The following SCAPER variants were observed in gnomAD, a reference collection of about 807,000 sequenced individuals.
The protein encoded by SCAPER is S-phase cyclin A associated protein in the ER.
A neutral mutation model predicts 182.2 loss-of-function variants in SCAPER; 98 were observed. That is an observed-to-expected ratio of 0.54 (90% CI 0.46 to 0.64). The LOEUF (loss-of-function observed/expected upper bound fraction) is 0.64. SCAPER is among the 30% of genes least tolerant of loss of function. SCAPER has a pLI of 0.00. For synonymous variants in SCAPER, 605 were observed against 564.6 expected (o/e 1.07, Z -1.01); for missense variants, 1,432 against 1,690.0 (o/e 0.85, Z 2.68).
chr15:76,367,181 A>C (rs895488637), intron 29 of SCAPER, among the ~76,000 whole-genome samples: 3 of 152,254 alleles, frequency 2.0e-5, no homozygotes, highest in Admixed American at 1.3e-4. Context: ...AGAGAAGGGC[A>C]GTGACTTACC....
chr15:76,488,043 C>T (rs1177074407), intron 24 of SCAPER, among the ~76,000 whole-genome samples: 2 of 152,134 alleles, frequency 1.3e-5, no homozygotes, highest in Admixed American at 6.6e-5. Context: ...ACTCTCCCAC[C>T]CCCAAGATAA....
At chr15:76,711,346 C>A (rs868731734) in intron 17 of SCAPER, among the ~76,000 whole-genome samples, 1 of 152,038 alleles carries the variant, frequency 6.6e-6, no homozygotes, top group African/African-American at 2.4e-5. Context: ...AACAAAATGA[C>A]CCAAATGAAA....
At chr15:76,751,267 C>A (rs1201842934) in intron 15 of SCAPER, among the ~76,000 whole-genome samples, 2 of 151,578 alleles carry the variant, frequency 1.3e-5, no homozygotes, top group Non-Finnish European at 3.0e-5. Flanking sequence ...TGATCATAAA[C>A]CAGAACACTT....
chr15:76,805,530 T>C (rs987179861), intron 5 of SCAPER, among the ~76,000 whole-genome samples: 4 of 151,980 alleles, frequency 2.6e-5, no homozygotes, highest in African/African-American at 7.3e-5. Context: ...GTGCCTCTTT[T>C]CATGTACATT....
chr15:76,833,985 T>C (rs1315049354), intron 5 of SCAPER, among the ~76,000 whole-genome samples: 2 of 152,176 alleles, frequency 1.3e-5, no homozygotes, highest in African/African-American at 4.8e-5. Context: ...AGGACCTAAA[T>C]TGACACTTGA....
intron 25 of SCAPER, among the ~76,000 whole-genome samples, chr15:76,462,689 T>C (rs2049284259): frequency 6.6e-6 from 1 of 152,148 alleles, no homozygotes; most frequent in Admixed American, 6.6e-5. Flanking sequence ...GTGATAGTGA[T>C]AATGGTGGTG....
At chr15:76,889,044 T>A (rs2074019315) in intron 1 of SCAPER, among the ~76,000 whole-genome samples, 1 of 152,156 alleles carries the variant, frequency 6.6e-6, no homozygotes, top group Admixed American at 6.5e-5. Context: ...AAGAAAAGAA[T>A]TTTCAACCCA....
At chr15:76,787,373 A>G (rs898348471) in intron 8 of SCAPER, among the ~76,000 whole-genome samples, 1 of 152,182 alleles carries the variant, frequency 6.6e-6, no homozygotes, top group Non-Finnish European at 1.5e-5. Context: ...ACAGAGAAAG[A>G]AAAGAATTTT....
At chr15:76,393,375 C>G (rs1199156067) in intron 27 of SCAPER, among the ~76,000 whole-genome samples, 7 of 152,198 alleles carry the variant, frequency 4.6e-5, no homozygotes, top group Admixed American at 4.6e-4. Flanking sequence ...TTGCCTAGTC[C>G]TGTTACATTC....
intron 20 of SCAPER, among the ~76,000 whole-genome samples, chr15:76,681,766 T>C (rs564401042): frequency 1.6e-4 from 25 of 152,218 alleles, no homozygotes; most frequent in Admixed American, 1.2e-3. Flanking sequence ...CAGACACTTA[T>C]GCTAACAGGG....
At chr15:76,575,888 G>A (rs1312030618) in intron 22 of SCAPER, among the ~76,000 whole-genome samples, 2 of 152,214 alleles carry the variant, frequency 1.3e-5, no homozygotes, top group East Asian at 3.8e-4. Flanking sequence ...CAACATGGTG[G>A]CTAGAAGCTA....
chr15:76,498,282 A>C (rs913855175), intron 24 of SCAPER: 1 of 152,138 alleles, frequency 6.6e-6, no homozygotes, highest in Non-Finnish European at 1.5e-5. Flanking sequence ...TGATCCAAAG[A>C]AGGAAAACGC....
chr15:76,525,859 T>G lies in SCAPER; in HGVS notation c.2839-20885A>C, dbSNP rs1042988519. 2.6e-5 allele frequency among the ~76,000 whole-genome samples: 4 copies of G among 152,318 alleles called. No homozygotes were observed. The East Asian group carries it at 7.7e-4, about 29-fold the overall frequency. ...CTTTTTGGCAGAATGCTTTATTTTCTTTTGGGTATACACCCAAGTAATGGG... is the reference window on the plus strand; with the variant it reads ...CTTTTTGGCAGAATGCTTTATTTTCGTTTGGGTATACACCCAAGTAATGGG... On this transcript the variant is annotated intron_variant, in intron 23 of 31. Transcript: ENST00000563290.
chr15:76,706,004 A>C lies in SCAPER; in HGVS notation c.2166-20T>G. On this transcript the variant is annotated intron_variant, in intron 17 of 31. Transcript: ENST00000563290. ...CTGTCTCTGTAAGAAGACAGTAAAA[A>C]TTATAAACTCAACTGCTTAAAGTAA... is the stretch of plus-strand genomic sequence containing the variant. The C allele has an allele frequency of 6.6e-7, 1 of 1,524,102 alleles. No homozygotes were observed. Among genetic ancestry groups the C allele is most frequent in the Non-Finnish European group, 8.8e-7 (1 of 1,137,098 alleles). The allele number at this position is 1,524,102 out of a possible 1,614,324, so 94.4% of individuals were successfully genotyped here. A position where few individuals can be genotyped will look rare whatever the true frequency, so the allele number is the denominator to read the frequency against.
In SCAPER at chr15:76,838,094, T is replaced by C. The variant is rs994269820; in HGVS notation, c.393+3640A>G. 1.2e-4 allele frequency among the ~76,000 whole-genome samples: 18 copies of C among 152,274 alleles called. 1 individual carries two copies. The highest frequency in any genetic ancestry group is 3.9e-4 in the African/African-American group (16 of 41,558). ...TAAACTGCTCTACCAAAAAGATATA[T>C]GCACACATATGTTCACTGCAGCACT... On this transcript the variant is annotated intron_variant, in intron 5 of 31. Transcript: ENST00000563290.
intron 25 of SCAPER, among the ~76,000 whole-genome samples, chr15:76,454,933 C>T (rs1321547660): frequency 2.6e-5 from 4 of 151,722 alleles, no homozygotes; most frequent in African/African-American, 9.7e-5. Context: ...TTGAGTTAGT[C>T]TGGTGAGTTA....
chr15:76,856,266 G>C (rs2071357915), intron 4 of SCAPER, among the ~76,000 whole-genome samples: 1 of 152,032 alleles, frequency 6.6e-6, no homozygotes, highest in Non-Finnish European at 1.5e-5. Context: ...GGGCCTCCTT[G>C]AGGGTGGGAG....
Position 76,703,818 on chromosome 15 carries a change from A to G in SCAPER, c.2248-816T>C, listed in dbSNP as rs572278142. ...TTCTTAAAAATCAGAACCATGCCTT[A>G]TCTCTGCATTCCCCTGCCTACCACA... On this transcript the variant is annotated intron_variant, in intron 18 of 31. Transcript: ENST00000563290. Among the ~76,000 whole-genome samples, 4 of 152,286 alleles carry G rather than the reference A, an allele frequency of 2.6e-5. 1 individual carries two copies. The highest frequency in any genetic ancestry group is 9.6e-5 in the African/African-American group (4 of 41,556).
chr15:76,766,885 T>C, intron 11 of SCAPER, 33 bp downstream of exon 11: 1 of 1,553,810 alleles, frequency 6.4e-7, no homozygotes, highest in Non-Finnish European at 8.7e-7. Flanking sequence ...ATATAAATTT[T>C]GAATAGTTAT....
Sources: gnomAD v4.1 joint callset for allele counts (sites outside exome capture counted in the v4.1 genomes callset) on GRCh38, gnomAD v4.1.1 for gene constraint, MANE v1.5 for transcripts, NCBI Gene and HGNC (gene_info 2026-07-23, HGNC 2026-07-21) for gene names.